The following METTL16 variants were observed in gnomAD, a reference collection of about 807,000 sequenced individuals.
The protein encoded by METTL16 is RNA N(6)-adenosine-methyltransferase METTL16.
METTL16 carries 19 observed loss-of-function variants against 57.9 expected under a neutral mutation model. The ratio of observed to expected loss-of-function variants is 0.33; its 90% CI spans 0.23 to 0.48. The LOEUF (loss-of-function observed/expected upper bound fraction) is 0.48, where lower values mean the gene tolerates loss of function less well. METTL16 is among the 20% of genes least tolerant of loss of function. The pLI, the probability that METTL16 is intolerant of heterozygous loss-of-function variation, is 0.99. For synonymous variants in METTL16, 246 were observed against 255.6 expected, an observed-to-expected ratio of 0.96 and a Z score of 0.36; for missense variants, 434 against 691.5, an observed-to-expected ratio of 0.63 and a Z score of 4.18.
At chr17:2,469,111 C>T (rs955812462) in intron 4 of METTL16, among the ~76,000 whole-genome samples, 1 of 151,960 alleles carries the variant, frequency 6.6e-6, no homozygotes, top group African/African-American at 2.4e-5. Context: ...GTGGTGGGCA[C>T]CTACAATCCC....
Position 2,473,642 on chromosome 17 carries a change from G to A in METTL16, c.351C>T (p.Tyr117=). 6.2e-7 allele frequency: 1 copy of A among 1,613,916 alleles called. No homozygotes were observed. The highest frequency in any genetic ancestry group is 8.5e-7 in the Non-Finnish European group (1 of 1,179,956). Residue 117 remains tyrosine (Y), a synonymous_variant, in exon 4 of 10, where the codon TAC becomes TAT. Transcript: ENST00000263092. The part of the protein sequence containing the change: ...IDIGTGASCI[Y]PLLGATLNGW... ...CATTCAAGGTTGCTCCAAGTAAGGG[G>A]TAGATGCAAGATGCCCCCGTGCCTA...
chr17:2,499,604 T>C (rs994047240), intron 2 of METTL16, among the ~76,000 whole-genome samples: 2 of 152,098 alleles, frequency 1.3e-5, no homozygotes, highest in Admixed American at 1.3e-4. Flanking sequence ...GACTCCAAAG[T>C]AAGGTGCCAA....
intron 2 of METTL16, among the ~76,000 whole-genome samples, chr17:2,485,333 T>C (rs1293211405): frequency 1.3e-5 from 2 of 152,150 alleles, no homozygotes; most frequent in African/African-American, 4.8e-5. Flanking sequence ...TACACTATGG[T>C]GAGTTGTATA....
intron 2 of METTL16, among the ~76,000 whole-genome samples, chr17:2,489,208 A>G (rs1380042675): frequency 6.6e-6 from 1 of 152,030 alleles, no homozygotes; most frequent in Non-Finnish European, 1.5e-5. Flanking sequence ...TAGCTTCCCA[A>G]AATGTTGTGA....
downstream of METTL16, chr17:2,415,936 T>G (rs2066710800): frequency 6.6e-6 from 1 of 152,160 alleles, no homozygotes; most frequent in South Asian, 2.1e-4. Flanking sequence ...CCTGGATATA[T>G]TCTAGAGTAG....
chr17:2,423,267 T>G (rs1042356480), intron 8 of METTL16, among the ~76,000 whole-genome samples: 1 of 70,968 alleles, frequency 1.4e-5, no homozygotes, highest in Admixed American at 1.2e-4. Flanking sequence ...AAAGGGTGTG[T>G]GTGTGTGTGT....
At position 2,418,895 on chromosome 17, in the gene METTL16, C is replaced by T. The variant is rs1315291346; in HGVS notation, c.*1075G>A. On this transcript the variant is annotated 3_prime_UTR_variant, in exon 10 of 10. Transcript: ENST00000263092. The stretch of plus-strand genomic sequence containing the variant: ...CATCAAGCACAGCAAAAGGTCACCC[C>T]TTTCCGGGGGGACGGCTACTGAACC... 2 of 152,278 alleles carry T rather than the reference C, an allele frequency of 1.3e-5. No individual in the cohort carries two copies. Among genetic ancestry groups the T allele is most frequent in the African/African-American group, 4.8e-5 (2 of 41,454 alleles). The allele number at this position is 152,278 out of a possible 1,614,324, so 9.4% of individuals were successfully genotyped here. A position where few individuals can be genotyped will look rare whatever the true frequency, so the allele number is the denominator to read the frequency against.
chr17:2,507,521 C>T (rs1400128853), intron 1 of METTL16, among the ~76,000 whole-genome samples: 1 of 150,222 alleles, frequency 6.7e-6, no homozygotes, highest in Non-Finnish European at 1.5e-5. Flanking sequence ...CAGCCCCCCG[C>T]CCGGCCAGCC....
chr17:2,505,494 C>T (rs952933988), intron 1 of METTL16, among the ~76,000 whole-genome samples: 3 of 149,272 alleles, frequency 2.0e-5, no homozygotes, highest in Non-Finnish European at 4.4e-5. Flanking sequence ...AGCAATCCTG[C>T]CACCTCAGCC....
At chr17:2,495,115 C>T (rs939553550) in intron 2 of METTL16, among the ~76,000 whole-genome samples, 4 of 150,848 alleles carry the variant, frequency 2.7e-5, no homozygotes, top group Admixed American at 1.3e-4. Flanking sequence ...TTTCAGAGGT[C>T]GAGAGAGGCA....
Position 2,457,337 on chromosome 17 carries a change from C to CAA in METTL16, c.728+6869_728+6870dup, listed in dbSNP as rs57968051. On this transcript the variant is annotated intron_variant, in intron 6 of 9. Coordinates refer to ENST00000263092, the MANE Select transcript of METTL16 (RefSeq NM_024086.4). ...TGGACGACAGAGCGAGACTCCGTCT[C>CAA]AAAAAAAAAAAAAAAAAAAAAAAAA... Among the ~76,000 whole-genome samples, 147 of 42,180 alleles carry CAA rather than the reference C, an allele frequency of 3.5e-3. 1 individual carries two copies. The highest frequency in any genetic ancestry group is 9.4e-3 in the East Asian group (8 of 850). The allele number at this position is 42,180 out of a possible 152,430, so 27.7% of individuals were successfully genotyped here.
At chr17:2,452,388 T>C (rs890403304) in intron 6 of METTL16, among the ~76,000 whole-genome samples, 14 of 152,170 alleles carry the variant, frequency 9.2e-5, no homozygotes, top group Non-Finnish European at 1.5e-4. Flanking sequence ...GCAGAAGTCA[T>C]TGGATGTGTT....
chr17:2,424,743 T>C (rs1381708364), intron 8 of METTL16, among the ~76,000 whole-genome samples: 1 of 151,482 alleles, frequency 6.6e-6, no homozygotes. Flanking sequence ...GGTCGGGAGA[T>C]TGAGACCATC....
At chr17:2,456,341 A>T (rs1440652622) in intron 6 of METTL16, among the ~76,000 whole-genome samples, 1 of 152,228 alleles carries the variant, frequency 6.6e-6, no homozygotes, top group Non-Finnish European at 1.5e-5. Context: ...GTAGCCATTC[A>T]TAACAGCCTC....
chr17:2,455,840 A>G (rs2067106364), intron 6 of METTL16, among the ~76,000 whole-genome samples: 1 of 151,986 alleles, frequency 6.6e-6, no homozygotes, highest in Non-Finnish European at 1.5e-5. Context: ...AAAATTGGCC[A>G]GGCATGGTGT....
chr17:2,448,851 AC>A (rs2067047164), intron 6 of METTL16, among the ~76,000 whole-genome samples: 1 of 147,176 alleles, frequency 6.8e-6, no homozygotes, highest in African/African-American at 2.5e-5. Flanking sequence ...ACATGGTGAA[AC>A]CCCATCTCTA....
chr17:2,427,035 C>T (rs1327610724), intron 8 of METTL16, among the ~76,000 whole-genome samples: 2 of 151,570 alleles, frequency 1.3e-5, no homozygotes, highest in African/African-American at 4.8e-5. Flanking sequence ...CCCAGCTGCT[C>T]GGAAGACTGA....
At chr17:2,488,188 A>G (rs1316941822) in intron 2 of METTL16, among the ~76,000 whole-genome samples, 5 of 152,192 alleles carry the variant, frequency 3.3e-5, no homozygotes, top group Non-Finnish European at 5.9e-5. Context: ...AGCAACCTAA[A>G]GGTCCACTGA....
chr17:2,506,851 G>A (rs1371584188), intron 1 of METTL16, among the ~76,000 whole-genome samples: 1 of 150,552 alleles, frequency 6.6e-6, no homozygotes, highest in Non-Finnish European at 1.5e-5. Context: ...GAGCGTCTCT[G>A]CCCGGCCGCC....
Sources: gnomAD v4.1 joint callset for allele counts (sites outside exome capture counted in the v4.1 genomes callset) on GRCh38, gnomAD v4.1.1 for gene constraint, MANE v1.5 for transcripts, NCBI Gene and HGNC (gene_info 2026-07-23, HGNC 2026-07-21) for gene names.